SERPINA7: variants seen among roughly 807,000 people sequenced by gnomAD.
SERPINA7 encodes the protein thyroxine-binding globulin.
A neutral mutation model predicts 16.0 loss-of-function variants in SERPINA7; 14 were observed. The ratio of observed to expected loss-of-function variants is 0.88; its 90% CI spans 0.58 to 1.37. SERPINA7 has a LOEUF of 1.37. SERPINA7 is among the 40% of genes most tolerant of loss of function. The pLI, the probability that SERPINA7 is intolerant of heterozygous loss-of-function variation, is 0.00. For synonymous variants in SERPINA7, 140 were observed against 111.0 expected (o/e 1.26, Z -1.65); for missense variants, 335 against 296.6 (o/e 1.13, Z -0.95).
In SERPINA7 at chrX:106,034,375, C is replaced by T; in HGVS notation, c.904G>A (p.Asp302Asn). Residue 302 changes from aspartate to asparagine, a missense_variant, in exon 4 of 5, where the codon GAC (aspartate) becomes AAC (asparagine). By Grantham distance (23) the Asp-to-Asn change is conservative. Transcript: ENST00000372563. ...WNRLLQKGWV[D>N]LFVPKFSISA... ...ATGGAAAACTTTGGAACAAACAAGT[C>T]AACCCATCTGTGGGAAAAGAGGAAG... 1 of 1,206,111 alleles carries T rather than the reference C, an allele frequency of 8.3e-7. No individual in the cohort carries two copies. The highest frequency in any genetic ancestry group is 1.1e-6 in the Non-Finnish European group (1 of 890,646).
In SERPINA7 at chrX:106,032,905, T is replaced by C. The variant is rs2041418401; in HGVS notation, c.*595A>G. ...ATGTTTTCTTGGGGGGAAGGTGGGGTTGGACAGGCAAGTTTATCTCTTGCT... is the reference window on the plus strand; with the variant it reads ...ATGTTTTCTTGGGGGGAAGGTGGGGCTGGACAGGCAAGTTTATCTCTTGCT... On this transcript the variant is annotated 3_prime_UTR_variant, in exon 5 of 5. Transcript: ENST00000372563. 1 of 113,328 alleles carries C rather than the reference T, an allele frequency of 8.8e-6. No homozygotes were observed. Among genetic ancestry groups the C allele is most frequent in the South Asian group, 3.7e-4 (1 of 2,722 alleles). The allele number at this position is 113,328 out of a possible 1,213,427, so 9.3% of individuals were successfully genotyped here.
chrX:106,038,146 T>A (rs1052701264), intron 1 of SERPINA7, among the ~76,000 whole-genome samples: 2 of 111,272 alleles, frequency 1.8e-5, no homozygotes, highest in African/African-American at 6.5e-5. Flanking sequence ...TCAGTCTCAA[T>A]AAGAAAATCT....
intron 4 of SERPINA7, 72 bp downstream of exon 4, chrX:106,034,163 G>GA: frequency 6.4e-6 from 7 of 1,093,011 alleles, no homozygotes; most frequent in Non-Finnish European, 8.8e-6. Context: ...GGTAAAATAA[G>GA]AAAGTTGAAT....
intron 1 of SERPINA7, among the ~76,000 whole-genome samples, 184 bp downstream of exon 1, chrX:106,038,514 G>C (rs1013328752): frequency 6.3e-5 from 7 of 110,589 alleles, no homozygotes; most frequent in Admixed American, 1.9e-4. Flanking sequence ...ATCATCATCA[G>C]AGTCCTCTTT....
intron 1 of SERPINA7, chrX:106,037,362 A>G: frequency 3.6e-6 from 1 of 281,617 alleles, no homozygotes. Flanking sequence ...GAGTAAATTA[A>G]ATTTATGGAA....
In SERPINA7 at chrX:106,033,629, C is replaced by T; in HGVS notation, c.1119G>A (p.Ser373=). The T allele has an allele frequency of 2.5e-6, 3 of 1,211,176 alleles. No individual in the cohort carries two copies. The highest frequency in any genetic ancestry group is 5.9e-5 in the East Asian group (2 of 33,791). ...GTAGGAAAGTGTTTTCAGGCTGATC[C>T]GAAAGTTCAACTTCAGGGACAGCTG... The part of the protein sequence containing the change: ...EAAAVPEVEL[S]DQPENTFLHP... Residue 373 remains serine (S), a synonymous_variant, in exon 5 of 5, where the codon TCG becomes TCA. Coordinates refer to ENST00000372563, the MANE Select transcript of SERPINA7 (RefSeq NM_000354.6).
Position 106,033,216 on chromosome X carries a change from A to T in SERPINA7, c.*284T>A. 1 of 347,344 alleles carries T rather than the reference A, an allele frequency of 2.9e-6. No individual in the cohort carries two copies. Among genetic ancestry groups the T allele is most frequent in the African/African-American group, 2.6e-5 (1 of 38,992 alleles). The allele number at this position is 347,344 out of a possible 1,213,427, so 28.6% of individuals were successfully genotyped here. A position where few individuals can be genotyped will look rare whatever the true frequency, so the allele number is the denominator to read the frequency against. On this transcript the variant is annotated 3_prime_UTR_variant, in exon 5 of 5. Coordinates refer to ENST00000372563, the MANE Select transcript of SERPINA7 (RefSeq NM_000354.6). ...AAAGGGAAAATTTTTCAACCCAGTC[A>T]AATTTATTAGAGCAAATGAGTTGAG...
chrX:106,038,134 CCT>C (rs777003176), intron 1 of SERPINA7, among the ~76,000 whole-genome samples: 1 of 111,369 alleles, frequency 9.0e-6, no homozygotes, highest in South Asian at 3.8e-4. Context: ...TCCACACAGA[CCT>C]CAGTCTCAAT....
chrX:106,036,712 A>G lies in SERPINA7; in HGVS notation c.347T>C (p.Ile116Thr). 1 of 1,211,079 alleles carries G rather than the reference A, an allele frequency of 8.3e-7. No homozygotes were observed. ...CTTCTTTGGAAAATTCAGTGAACAGATCAGATGCTGGAAGCCATGCTGGAT... is the reference window on the plus strand; with the variant it reads ...CTTCTTTGGAAAATTCAGTGAACAGGTCAGATGCTGGAAGCCATGCTGGAT... ...VEIQHGFQHL[I>T]CSLNFPKKEL... The change falls in exon 2 of 5, where the codon ATC becomes ACC. Residue 116 changes from isoleucine (I) to threonine (T), a missense_variant. By Grantham distance (89) the Ile-to-Thr change is moderately conservative. Transcript: ENST00000372563.
In SERPINA7 at chrX:106,036,784, A is replaced by T; in HGVS notation, c.275T>A (p.Ile92Asn). ...FGACCSTQTE[I>N]VETLGFNLTD... ...GAGGTTGAACCCCAAGGTCTCCACA[A>T]TCTCAGTTTGGGTGCTGCAGCAGGC... Residue 92 changes from isoleucine (I) to asparagine (N), a missense_variant, in exon 2 of 5, where the codon ATT (isoleucine) becomes AAT (asparagine). Ile to Asn is a moderately radical substitution (Grantham distance 149, BLOSUM62 -3). Coordinates refer to ENST00000372563, the MANE Select transcript of SERPINA7 (RefSeq NM_000354.6). The T allele has an allele frequency of 1.7e-6, 2 of 1,211,062 alleles. No individual in the cohort carries two copies. The highest frequency in any genetic ancestry group is 2.2e-6 in the Non-Finnish European group (2 of 895,176).
chrX:106,036,340 AC>A, intron 2 of SERPINA7, 96 bp downstream of exon 2: 1 of 908,558 alleles, frequency 1.1e-6, no homozygotes, highest in Non-Finnish European at 1.6e-6. Context: ...TATGAGGGAC[AC>A]CTACTGATGC....
In SERPINA7 at chrX:106,035,378, C is replaced by T; in HGVS notation, c.630G>A (p.Trp210Ter). ...LVNYIHFKAQ[W>*]ANPFDPSKTE... is the part of the protein sequence containing the mutation. Reference sequence around the variant, plus strand: ...TCTTGGATGGATCAAAAGGATTTGCCCACTGGGCTTAAAATACAAAGAAAA... The same window carrying T: ...TCTTGGATGGATCAAAAGGATTTGCTCACTGGGCTTAAAATACAAAGAAAA... Residue 210 changes from tryptophan to a stop codon, truncating the protein, a stop_gained, in exon 3 of 5, where the codon TGG becomes TGA. Transcript: ENST00000372563. LOFTEE classifies it high-confidence loss of function. 1 of 1,210,203 alleles carries T rather than the reference C, an allele frequency of 8.3e-7. No homozygotes were observed. Among genetic ancestry groups the T allele is most frequent in the Non-Finnish European group, 1.1e-6 (1 of 894,218 alleles).
At chrX:106,037,371 A>G (rs1378710635) in intron 1 of SERPINA7, 4 of 270,189 alleles carry the variant, frequency 1.5e-5, no homozygotes, top group Non-Finnish European at 6.5e-6. Context: ...AAATTTATGG[A>G]AATTGAATCA....
chrX:106,034,474 T>C, intron 3 of SERPINA7, 92 bp from the exon 4 acceptor site: 1 of 796,266 alleles, frequency 1.3e-6, no homozygotes, highest in Non-Finnish European at 1.9e-6. Flanking sequence ...TATATTGGAC[T>C]CTGCTTCTTC....
rs1283384661 is a variant in SERPINA7, at chrX:106,036,823, A to T, written c.236T>A (p.Met79Lys). 1.7e-6 allele frequency: 2 copies of T among 1,209,380 alleles called. No homozygotes were observed. The highest frequency in any genetic ancestry group is 4.4e-5 in the Admixed American group (2 of 45,631). ...SPVSISAALV[M>K]LSFGACCSTQ... ...GCTGCAGCAGGCCCCAAAGGAAAGC[A>T]TAACCAAAGCTGCAGAAATGCTCAC... The change falls in exon 2 of 5, where the codon ATG (methionine) becomes AAG (lysine). Residue 79 changes from methionine to lysine, a missense_variant. Coordinates refer to ENST00000372563, the MANE Select transcript of SERPINA7 (RefSeq NM_000354.6).
At position 106,034,261 on chromosome X, in the gene SERPINA7, C is replaced by T; in HGVS notation, c.1018G>A (p.Glu340Lys). The T allele has an allele frequency of 1.7e-6, 2 of 1,210,856 alleles. No individual in the cohort carries two copies. The highest frequency in any genetic ancestry group is 2.2e-6 in the Non-Finnish European group (2 of 894,672). The change falls in exon 4 of 5, where the codon GAG becomes AAG. Residue 340 changes from glutamate (E) to lysine (K), a missense_variant. By Grantham distance (56) the Glu-to-Lys change is moderately conservative (BLOSUM62 1). Coordinates refer to ENST00000372563, the MANE Select transcript of SERPINA7 (RefSeq NM_000354.6). ...SENADFSGLTEDNGLKLSNAA... is the reference protein window; with the variant it reads ...SENADFSGLTKDNGLKLSNAA... The stretch of plus-strand genomic sequence containing the variant: ...TTGGAAAGTTTCAGACCATTGTCCT[C>T]TGTGAGTCCAGAAAAATCAGCATTT...
chrX:106,033,504 G>C lies in SERPINA7; in HGVS notation c.1244C>G (p.Ala415Gly). The stretch of plus-strand genomic sequence containing the variant: ...AGCCAATGGCCTTTTTCCCAACTAC[G>C]CTTCCGTTGGGTTCACAACTTTCCC... Reference protein sequence around the residue: ...FLGKVVNPTEA With the variant: ...FLGKVVNPTEG The change falls in exon 5 of 5, where the codon GCG becomes GGG. Residue 415 changes from alanine (A) to glycine (G), a missense_variant. Transcript: ENST00000372563. 1 of 1,210,388 alleles carries C rather than the reference G, an allele frequency of 8.3e-7. No individual in the cohort carries two copies. The highest frequency in any genetic ancestry group is 3.0e-5 in the East Asian group (1 of 33,791).
intron 4 of SERPINA7, 190 bp from the exon 5 acceptor site, chrX:106,033,893 T>G: frequency 1.2e-6 from 1 of 838,398 alleles, no homozygotes; most frequent in Non-Finnish European, 1.7e-6. Context: ...GGCTAGCCAT[T>G]GGGAAACACC....
intron 1 of SERPINA7, among the ~76,000 whole-genome samples, chrX:106,038,349 T>TAAATA (rs1391637443): frequency 2.7e-5 from 3 of 111,225 alleles, no homozygotes; most frequent in Non-Finnish European, 5.7e-5. Context: ...TACTAACTCT[T>TAAATA]AAATAACTCT....
Sources: allele counts gnomAD v4.1 joint callset (sites outside exome capture counted in the v4.1 genomes callset), GRCh38; gene constraint gnomAD v4.1.1; transcripts MANE v1.5; gene names NCBI Gene and HGNC (gene_info 2026-07-23, HGNC 2026-07-21).